DACH2: variants seen among roughly 807,000 people sequenced by gnomAD.
DACH2 encodes dachshund homolog 2.
DACH2 carries 17 observed loss-of-function variants against 35.8 expected under a neutral mutation model. The ratio of observed to expected loss-of-function variants is 0.48; its 90% confidence interval spans 0.33 to 0.71. The LOEUF (loss-of-function observed/expected upper bound fraction) is 0.71, where lower values mean the gene tolerates loss of function less well. Among genes scored for constraint, DACH2 ranks in the 30% least tolerant of loss-of-function variants. DACH2 has a pLI of 0.02. For synonymous variants in DACH2, 195 were observed against 177.3 expected (o/e 1.10, Z -0.79); for missense variants, 469 against 472.7 (o/e 0.99, Z 0.07).
intron 3 of DACH2, among the ~76,000 whole-genome samples, chrX:86,558,203 G>T (rs2039161166): frequency 2.4e-5 from 1 of 42,518 alleles, no homozygotes; most frequent in Admixed American, 2.1e-4. Context: ...TAATCATGTG[G>T]TTTTTGTCTT....
chrX:86,323,858 CG>C (rs1385011501), intron 1 of DACH2, among the ~76,000 whole-genome samples: 6 of 112,196 alleles, frequency 5.3e-5, no homozygotes, highest in African/African-American at 1.9e-4. Flanking sequence ...TCTTCAAGAC[CG>C]GTGGCTAGCC....
At chrX:86,281,986 C>G (rs1419496417) in intron 1 of DACH2, among the ~76,000 whole-genome samples, 3 of 111,708 alleles carry the variant, frequency 2.7e-5, no homozygotes, top group Non-Finnish European at 3.8e-5. Flanking sequence ...AACCACTTCT[C>G]AATAAAATAA....
intron 1 of DACH2, among the ~76,000 whole-genome samples, chrX:86,292,944 G>T (rs1388543474): frequency 9.9e-6 from 1 of 101,208 alleles, no homozygotes; most frequent in Non-Finnish European, 2.0e-5. Flanking sequence ...TATTAGGTCC[G>T]CTTGGTGAAG....
At chrX:86,381,606 T>A (rs934610303) in intron 2 of DACH2, among the ~76,000 whole-genome samples, 3 of 110,837 alleles carry the variant, frequency 2.7e-5, no homozygotes, top group Non-Finnish European at 5.7e-5. Context: ...ATCTTTTAAG[T>A]TACAGTATTA....
At chrX:86,401,619 G>C (rs1478219297) in intron 2 of DACH2, among the ~76,000 whole-genome samples, 1 of 108,228 alleles carries the variant, frequency 9.2e-6, no homozygotes, top group African/African-American at 3.4e-5. Flanking sequence ...AGTGGCATGA[G>C]AATATTTATT....
At chrX:86,354,108 A>G (rs1487923334) in intron 1 of DACH2, among the ~76,000 whole-genome samples, 1 of 32,998 alleles carries the variant, frequency 3.0e-5, no homozygotes, top group Non-Finnish European at 4.8e-5. Context: ...GCAAATCAAA[A>G]CCACTATGAG....
At chrX:86,423,740 A>G (rs1259662934) in intron 2 of DACH2, among the ~76,000 whole-genome samples, 1 of 110,737 alleles carries the variant, frequency 9.0e-6, no homozygotes, top group Non-Finnish European at 1.9e-5. Flanking sequence ...TGCCCAAACC[A>G]AAGTCCTGGA....
chrX:86,164,937 A>C (rs1359280118), intron 1 of DACH2, among the ~76,000 whole-genome samples: 1 of 95,415 alleles, frequency 1.0e-5, no homozygotes, highest in African/African-American at 4.3e-5. Context: ...GGTTCTATAT[A>C]AATTTTAAAA....
rs747764617 is a variant in DACH2, at chrX:86,204,536, A to G, written c.488+55428A>G. Among the ~76,000 whole-genome samples, 9 of 111,661 alleles carry G rather than the reference A, an allele frequency of 8.1e-5. No homozygotes were observed. In the South Asian group the frequency reaches 3.4e-3, roughly 42 times the overall value. On this transcript the variant is annotated intron_variant, in intron 1 of 11. Coordinates refer to ENST00000373125, the MANE Select transcript of DACH2 (RefSeq NM_053281.3). ...GAAATAGAACTATTACTCTAGGTAC[A>G]TTATACACTAAATAGACCTTTGTGA...
In DACH2 at chrX:86,623,980, G is replaced by A. The variant is rs1333400514; in HGVS notation, c.641-27056G>A. Among the ~76,000 whole-genome samples the A allele has an allele frequency of 7.8e-5, 7 of 89,578 alleles. 1 individual carries two copies. The highest frequency in any genetic ancestry group is 1.6e-4 in the African/African-American group (4 of 24,407). The allele number at this position is 89,578 out of a possible 115,157, so 77.8% of individuals were successfully genotyped here. Reference sequence around the variant, plus strand: ...GGAGAATGGCGTGAACCCGGGAGGCGGAGCTTGCAGTGAGTCGAGATCGCG... The same window carrying A: ...GGAGAATGGCGTGAACCCGGGAGGCAGAGCTTGCAGTGAGTCGAGATCGCG... On this transcript the variant is annotated intron_variant, in intron 3 of 11. Coordinates refer to ENST00000373125, the MANE Select transcript of DACH2 (RefSeq NM_053281.3).
intron 7 of DACH2, among the ~76,000 whole-genome samples, chrX:86,767,466 A>G (rs1223869987): frequency 4.5e-5 from 5 of 111,954 alleles, no homozygotes; most frequent in Non-Finnish European, 9.4e-5. Flanking sequence ...CCAGAAATGC[A>G]GGTTGGTAGG....
chrX:86,572,610 C>T (rs2039385638), intron 3 of DACH2, among the ~76,000 whole-genome samples: 1 of 111,285 alleles, frequency 9.0e-6, no homozygotes, highest in Admixed American at 9.6e-5. Flanking sequence ...TTGCATTGTT[C>T]CTGGAAAGCA....
chrX:86,518,581 T>C (rs1210228837), intron 3 of DACH2, among the ~76,000 whole-genome samples: 1 of 111,912 alleles, frequency 8.9e-6, no homozygotes, highest in Non-Finnish European at 1.9e-5. Context: ...TTGAGCAGTG[T>C]TTTGTAATTC....
intron 2 of DACH2, among the ~76,000 whole-genome samples, chrX:86,439,830 A>G (rs1294642564): frequency 9.0e-6 from 1 of 110,800 alleles, no homozygotes; most frequent in African/African-American, 3.3e-5. Context: ...TTTTATTTTT[A>G]TTTAGTACAA....
chrX:86,476,987 T>G (rs1411150691), intron 2 of DACH2, among the ~76,000 whole-genome samples: 1 of 111,244 alleles, frequency 9.0e-6, no homozygotes, highest in African/African-American at 3.3e-5. Flanking sequence ...ATTTCTAGTT[T>G]TATTTCATTG....
At chrX:86,656,875 A>G (rs1602747072) in intron 4 of DACH2, among the ~76,000 whole-genome samples, 1 of 98,265 alleles carries the variant, frequency 1.0e-5, no homozygotes, top group African/African-American at 3.7e-5. Context: ...ATATATATAT[A>G]TATATATATA....
At chrX:86,492,975 C>T (rs976436244) in intron 2 of DACH2, among the ~76,000 whole-genome samples, 1 of 111,015 alleles carries the variant, frequency 9.0e-6, no homozygotes, top group South Asian at 3.8e-4. Context: ...ATCAAGTAAT[C>T]GAATTTCTGG....
chrX:86,434,088 G>GA (rs1200716304), intron 2 of DACH2, among the ~76,000 whole-genome samples: 6 of 111,937 alleles, frequency 5.4e-5, no homozygotes, highest in Non-Finnish European at 9.4e-5. Context: ...CTGTATGAGA[G>GA]AAAAAAACAT....
chrX:86,729,682 G>A (rs1459921381), intron 6 of DACH2, among the ~76,000 whole-genome samples: 3 of 111,869 alleles, frequency 2.7e-5, no homozygotes, highest in Non-Finnish European at 5.6e-5. Flanking sequence ...AATCCCTTGT[G>A]AATGTCTCAG....
Sources: allele counts gnomAD v4.1 joint callset (sites outside exome capture counted in the v4.1 genomes callset), GRCh38; gene constraint gnomAD v4.1.1; transcripts MANE v1.5; gene names NCBI Gene and HGNC (gene_info 2026-07-23, HGNC 2026-07-21).